Variants in RYR2 observed in about 807,000 individuals in gnomAD.
RYR2 encodes ryanodine receptor 2, also known as cardiac muscle ryanodine receptor-calcium release channel.
RYR2 carries 227 observed loss-of-function variants against 601.1 expected under a neutral mutation model. The ratio of observed to expected loss-of-function variants is 0.38; its 90% CI spans 0.34 to 0.42. RYR2 has a LOEUF of 0.42. Ranked by LOEUF, RYR2 falls within the 10% of genes least tolerant of loss-of-function variation. The probability of loss-of-function intolerance (pLI) is 1.00; values close to 1 mark genes in which losing one functional copy is unlikely to be tolerated. For missense variants in RYR2, 4,646 were observed against 6,156.5 expected (o/e 0.75, Z 8.21); for synonymous variants, 2,223 against 2,175.1 (o/e 1.02, Z -0.61).
At chr1:237,062,829 C>T (rs1285959197) in intron 1 of RYR2, among the ~76,000 whole-genome samples, 1 of 152,126 alleles carries the variant, frequency 6.6e-6, no homozygotes, top group African/African-American at 2.4e-5. Context: ...TTTTATGATG[C>T]TTGCTGTGGT....
Position 237,456,640 on chromosome 1 carries a change from A to T in RYR2, c.1517A>T (p.His506Leu), listed in dbSNP as rs1476195040. The change falls in exon 16 of 105, where the codon CAC (histidine) becomes CTC (leucine). Residue 506 changes from histidine (H) to leucine (L), a missense_variant. His to Leu is a moderately conservative substitution (Grantham distance 99, BLOSUM62 -3). Around this residue, in one of 17 missense-constraint regions of RYR2, gnomAD observed 1,807 missense variants for 2,088.1 expected, o/e 0.87. Transcript: ENST00000366574. ...NLVLECIDRLHVYSSAAHFAD... is the reference protein window; with the variant it reads ...NLVLECIDRLLVYSSAAHFAD... ...GTGCTTGAGTGCATAGACCGTTTGC[A>T]CGTCTACAGCAGTGCAGCACACTTT... 1 of 1,608,206 alleles carries T rather than the reference A, an allele frequency of 6.2e-7. No homozygotes were observed. Among genetic ancestry groups the T allele is most frequent in the Non-Finnish European group, 8.5e-7 (1 of 1,176,510 alleles).
chr1:237,396,317 G>C (rs1702853234), intron 10 of RYR2, among the ~76,000 whole-genome samples: 2 of 152,170 alleles, frequency 1.3e-5, no homozygotes, highest in African/African-American at 4.8e-5. Flanking sequence ...GATTTCAAGT[G>C]AGTAACTCTA....
chr1:237,592,985 C>T (rs973030936), intron 32 of RYR2, among the ~76,000 whole-genome samples: 3 of 149,140 alleles, frequency 2.0e-5, no homozygotes, highest in Non-Finnish European at 4.4e-5. Context: ...CACACCACTA[C>T]ACCCCAGCCT....
chr1:237,742,999 G>GT (rs1200897958), intron 80 of RYR2, among the ~76,000 whole-genome samples: 5 of 152,174 alleles, frequency 3.3e-5, no homozygotes, highest in African/African-American at 1.2e-4. Flanking sequence ...CTGTACTTTC[G>GT]TTTTTTATGA....
chr1:237,341,545 T>TC, intron 3 of RYR2: 1 of 451,620 alleles, frequency 2.2e-6, no homozygotes, highest in South Asian at 1.6e-5. Flanking sequence ...TGCCTTCCTA[T>TC]CCCCATTAGA....
intron 24 of RYR2, among the ~76,000 whole-genome samples, chr1:237,521,938 C>CT: frequency 6.6e-6 from 1 of 152,140 alleles, no homozygotes; most frequent in Non-Finnish European, 1.5e-5. Context: ...TCCATTCCAC[C>CT]ACAAGATCTT....
Position 237,377,335 on chromosome 1 carries a change from G to T in RYR2, c.476G>T (p.Trp159Leu). Reference protein sequence around the residue: ...LQEDTTGEACWWTIHPASKQR... With the variant: ...LQEDTTGEACLWTIHPASKQR... ...CGTATATCTGCAGGGGAGGCTTGTT[G>T]GTGGACCATACACCCTGCCTCTAAG... is the stretch of plus-strand genomic sequence containing the variant. The change falls in exon 8 of 105, where the codon TGG (tryptophan) becomes TTG (leucine). Residue 159 changes from tryptophan (W) to leucine (L), a missense_variant. Physicochemically the swap from Trp to Leu is moderately conservative, Grantham distance 61. This residue lies in a region of RYR2 where 153 missense variants were observed against 203.6 expected (regional missense o/e 0.75). Transcript: ENST00000366574. The T allele has an allele frequency of 6.2e-7, 1 of 1,611,692 alleles. No homozygotes were observed. Among genetic ancestry groups the T allele is most frequent in the Non-Finnish European group, 8.5e-7 (1 of 1,178,594 alleles).
At chr1:237,646,336 G>A (rs1682153614) in intron 48 of RYR2, among the ~76,000 whole-genome samples, 1 of 151,740 alleles carries the variant, frequency 6.6e-6, no homozygotes, top group East Asian at 2.0e-4. Flanking sequence ...GCAAGACTCT[G>A]TCTCAAAAAA....
chr1:237,083,245 G>A (rs1665949639), intron 1 of RYR2, among the ~76,000 whole-genome samples: 1 of 152,180 alleles, frequency 6.6e-6, no homozygotes, highest in Non-Finnish European at 1.5e-5. Context: ...TCACGACCAT[G>A]TAGAAGTTTC....
intron 1 of RYR2, among the ~76,000 whole-genome samples, chr1:237,154,233 C>T (rs1379909653): frequency 1.3e-5 from 2 of 152,176 alleles, no homozygotes; most frequent in Non-Finnish European, 2.9e-5. Flanking sequence ...TTTCCAAACA[C>T]TCCTAGTGGG....
rs1322583844 is a variant in RYR2 at position 237,270,556 on chromosome 1, C to T, written c.108C>T (p.Cys36=). 1.3e-6 allele frequency: 2 copies of T among 1,599,100 alleles called. No homozygotes were observed. Among genetic ancestry groups the T allele is most frequent in the African/African-American group, 1.3e-5 (1 of 74,884 alleles). The part of the protein sequence containing the change: ...ATIHKEQQKL[C]LAAEGFGNRL... ...TCCACAAAGAACAACAGAAGCTATGCTTGGCAGCAGAAGGATTTGGCAACA... is the reference window on the plus strand; with the variant it reads ...TCCACAAAGAACAACAGAAGCTATGTTTGGCAGCAGAAGGATTTGGCAACA... Residue 36 remains cysteine, a synonymous_variant, in exon 2 of 105, where the codon TGC becomes TGT. Coordinates refer to ENST00000366574, the MANE Select transcript of RYR2 (RefSeq NM_001035.3).
At chr1:237,438,405 G>A (rs917880930) in intron 12 of RYR2, among the ~76,000 whole-genome samples, 28 of 152,276 alleles carry the variant, frequency 1.8e-4, no homozygotes, top group Admixed American at 1.8e-3. Context: ...GGAATGATAT[G>A]TAGTAGAGGC....
At chr1:237,648,924 C>T (rs552991602) in intron 49 of RYR2, among the ~76,000 whole-genome samples, 1 of 152,274 alleles carries the variant, frequency 6.6e-6, no homozygotes, top group African/African-American at 2.4e-5. Flanking sequence ...ACAGTGACTC[C>T]TGTTAACCTC....
intron 11 of RYR2, among the ~76,000 whole-genome samples, chr1:237,418,264 G>A (rs550613630): frequency 4.6e-4 from 70 of 152,122 alleles, no homozygotes; most frequent in Admixed American, 1.2e-3. Flanking sequence ...GGATGGTCTC[G>A]ATCTCCTGAC....
At chr1:237,467,219 G>A (rs1007443546) in intron 16 of RYR2, among the ~76,000 whole-genome samples, 2 of 147,256 alleles carry the variant, frequency 1.4e-5, no homozygotes, top group African/African-American at 4.9e-5. Context: ...TAATACAATA[G>A]TTTATATATA....
chr1:237,213,190 T>G (rs974628363), intron 1 of RYR2, among the ~76,000 whole-genome samples: 2 of 152,080 alleles, frequency 1.3e-5, no homozygotes, highest in Non-Finnish European at 2.9e-5. Context: ...TTAAATATTT[T>G]TTTTTGACAC....
At chr1:237,148,531 T>TATATATATATATATATACACACACAC (rs1558319980) in intron 1 of RYR2, among the ~76,000 whole-genome samples, 1 of 77,574 alleles carries the variant, frequency 1.3e-5, no homozygotes, top group African/African-American at 6.3e-5. Context: ...AAAAAAAATA[T>TATATATATATATATATACACACACAC]ATATATATAT....
At chr1:237,341,253 A>G (rs1186347970) in intron 3 of RYR2, among the ~76,000 whole-genome samples, 1 of 152,228 alleles carries the variant, frequency 6.6e-6, no homozygotes, top group Non-Finnish European at 1.5e-5. Flanking sequence ...CAAATAAATG[A>G]CATGGCATAT....
At chr1:237,588,770 T>C (rs1312713069) in intron 29 of RYR2, among the ~76,000 whole-genome samples, 1 of 151,784 alleles carries the variant, frequency 6.6e-6, no homozygotes, top group Non-Finnish European at 1.5e-5. Flanking sequence ...GAGGCGGAGG[T>C]TGCAGTGAGC....
Sources: allele counts gnomAD v4.1 joint callset (sites outside exome capture counted in the v4.1 genomes callset), GRCh38; gene constraint gnomAD v4.1.1; regional missense constraint gnomAD v4.1.1; transcripts MANE v1.5; gene names NCBI Gene and HGNC (gene_info 2026-07-23, HGNC 2026-07-21).